MTHFD1L: variants seen among roughly 807,000 people sequenced by gnomAD.
The protein encoded by MTHFD1L is methylenetetrahydrofolate dehydrogenase (NADP+ dependent) 1 like.
Under a neutral mutation model 119.5 loss-of-function variants are expected in MTHFD1L, and 81 were observed. The ratio of observed to expected loss-of-function variants is 0.68; its 90% CI spans 0.57 to 0.82. The LOEUF (loss-of-function observed/expected upper bound fraction) is 0.82, where lower values mean the gene tolerates loss of function less well. MTHFD1L is among the 40% of genes least tolerant of loss of function. The pLI, the probability that MTHFD1L is intolerant of heterozygous loss-of-function variation, is 0.00. For synonymous variants in MTHFD1L, 430 were observed against 475.2 expected, an observed-to-expected ratio of 0.90 and a Z score of 1.24; for missense variants, 1,125 against 1,253.4, an observed-to-expected ratio of 0.90 and a Z score of 1.55.
intron 7 of MTHFD1L, among the ~76,000 whole-genome samples, chr6:150,896,322 C>T (rs1189583204): frequency 6.6e-6 from 1 of 152,216 alleles, no homozygotes; most frequent in East Asian, 1.9e-4. Context: ...AGAGTGAATG[C>T]TGTCCCCTCC....
intron 27 of MTHFD1L, among the ~76,000 whole-genome samples, chr6:151,099,108 G>A (rs1033406596): frequency 4.6e-5 from 7 of 150,780 alleles, no homozygotes; most frequent in African/African-American, 1.5e-4. Context: ...CCCAGGAGGC[G>A]AAGGTTGCAG....
intron 8 of MTHFD1L, among the ~76,000 whole-genome samples, chr6:150,907,159 T>C (rs1786061293): frequency 6.6e-6 from 1 of 152,194 alleles, no homozygotes; most frequent in African/African-American, 2.4e-5. Context: ...CTGTGTTTTA[T>C]TAAAGTTTTC....
intron 27 of MTHFD1L, among the ~76,000 whole-genome samples, chr6:151,093,206 C>A (rs944977328): frequency 3.9e-5 from 6 of 152,162 alleles, no homozygotes; most frequent in African/African-American, 1.4e-4. Context: ...GCTGTCACTC[C>A]CTGGCGTTCC....
At chr6:150,908,923 A>C (rs1217834665) in intron 8 of MTHFD1L, among the ~76,000 whole-genome samples, 2 of 152,160 alleles carry the variant, frequency 1.3e-5, no homozygotes, top group Non-Finnish European at 2.9e-5. Context: ...ATTTAAACTT[A>C]AGATGAGAAG....
intron 20 of MTHFD1L, among the ~76,000 whole-genome samples, chr6:151,005,073 T>A (rs1781196169): frequency 6.6e-6 from 1 of 152,102 alleles, no homozygotes; most frequent in African/African-American, 2.4e-5. Flanking sequence ...GCAAATATGA[T>A]AAGGGAATAA....
intron 24 of MTHFD1L, among the ~76,000 whole-genome samples, chr6:151,020,218 G>A (rs56082939): frequency 0.2 from 30,084 of 152,160 alleles, 3,559 homozygotes; most frequent in Middle Eastern, 0.3. Context: ...AGATGATTTA[G>A]GGTAATGGGA....
intron 8 of MTHFD1L, among the ~76,000 whole-genome samples, chr6:150,916,737 CTTTTTTTTTTTTTTTTTTTTT>C (rs57961829): frequency 2.5e-4 from 18 of 72,134 alleles, no homozygotes; most frequent in East Asian, 2.5e-3. Context: ...GATTCTATCC[CTTTTTTTTTTTTTTTTTTTTT>C]TTTTTTTTTT....
At chr6:151,025,448 T>A (rs1784497302) in intron 24 of MTHFD1L, among the ~76,000 whole-genome samples, 2 of 152,234 alleles carry the variant, frequency 1.3e-5, no homozygotes, top group Non-Finnish European at 2.9e-5. Flanking sequence ...GACAGCTTCA[T>A]GTTGTACTTT....
intron 25 of MTHFD1L, among the ~76,000 whole-genome samples, chr6:151,034,988 C>T (rs986075381): frequency 6.6e-6 from 1 of 152,158 alleles, no homozygotes; most frequent in Non-Finnish European, 1.5e-5. Context: ...CTCTTACTTA[C>T]TACCTTAAAA....
At chr6:151,099,997 A>T (rs1795231539) in intron 27 of MTHFD1L, 3 of 724,054 alleles carry the variant, frequency 4.1e-6, no homozygotes, top group South Asian at 1.6e-5. Flanking sequence ...ATCTTCCTTT[A>T]AAAAAAAAGA....
intron 26 of MTHFD1L, chr6:151,057,284 G>T: frequency 1.0e-6 from 1 of 985,266 alleles, no homozygotes; most frequent in Non-Finnish European, 1.2e-6. Flanking sequence ...CCCCTTTCTG[G>T]AATGGACATA....
chr6:150,966,075 G>C (rs1182989058), intron 19 of MTHFD1L, among the ~76,000 whole-genome samples: 3 of 152,182 alleles, frequency 2.0e-5, no homozygotes, highest in African/African-American at 4.8e-5. Flanking sequence ...CAGGGGCCTT[G>C]GGCAGCAAGG....
chr6:150,917,928 T>C lies in MTHFD1L; in HGVS notation c.893-649T>C, dbSNP rs114630650. ...TTATGCCATAATTTAAAAATCAGAA[T>C]ACTTGGGCTCGTGTGAAGAGATGGT... On this transcript the variant is annotated intron_variant, in intron 8 of 27. Coordinates refer to ENST00000367321, the MANE Select transcript of MTHFD1L (RefSeq NM_015440.5). 1.6e-3 allele frequency among the ~76,000 whole-genome samples: 244 copies of C among 152,328 alleles called. 1 individual carries two copies. Among genetic ancestry groups the C allele is most frequent in the African/African-American group, 5.5e-3 (230 of 41,578 alleles).
Position 150,938,584 on chromosome 6 carries a change from A to G in MTHFD1L, c.1394-115A>G, listed in dbSNP as rs899980270. The G allele has an allele frequency of 4.1e-5, 43 of 1,049,928 alleles. No individual in the cohort carries two copies. In the African/African-American group the frequency reaches 5.7e-4, roughly 14 times the overall value. The allele number at this position is 1,049,928 out of a possible 1,614,324, so 65.0% of individuals were successfully genotyped here. A position where few individuals can be genotyped will look rare whatever the true frequency, so the allele number is the denominator to read the frequency against. On this transcript the variant is annotated intron_variant, in intron 12 of 27. Coordinates refer to ENST00000367321, the MANE Select transcript of MTHFD1L (RefSeq NM_015440.5). Reference sequence around the variant, plus strand: ...GTCTCTCACTGCCTTTTGTTACTTCATCTTGGGTGTGACGCCTCTCTGTTG... The same window carrying G: ...GTCTCTCACTGCCTTTTGTTACTTCGTCTTGGGTGTGACGCCTCTCTGTTG...
At chr6:150,998,008 C>T (rs929780708) in intron 20 of MTHFD1L, among the ~76,000 whole-genome samples, 4 of 152,166 alleles carry the variant, frequency 2.6e-5, no homozygotes, top group Non-Finnish European at 5.9e-5. Flanking sequence ...GTGCCTGTGA[C>T]TCTTGAATGT....
At chr6:150,993,060 C>G (rs1373356558) in intron 20 of MTHFD1L, among the ~76,000 whole-genome samples, 1 of 152,188 alleles carries the variant, frequency 6.6e-6, no homozygotes, top group Non-Finnish European at 1.5e-5. Flanking sequence ...CACCAGCAAT[C>G]TGAGTACCTT....
chr6:150,923,545 T>TTTATTTTTTTA, intron 10 of MTHFD1L, among the ~76,000 whole-genome samples: 1 of 24,032 alleles, frequency 4.2e-5, no homozygotes, highest in Non-Finnish European at 6.7e-5. Flanking sequence ...TTATTTTTTC[T>TTTATTTTTTTA]TTTTTTTTTT....
chr6:150,981,384 C>G (rs918615570), intron 20 of MTHFD1L, among the ~76,000 whole-genome samples: 8 of 152,234 alleles, frequency 5.3e-5, no homozygotes, highest in African/African-American at 1.9e-4. Context: ...TCCTGTATTA[C>G]CGCGTTTCCG....
chr6:150,937,009 T>C (rs1792182330), intron 12 of MTHFD1L, 69 bp downstream of exon 12: 4 of 1,558,708 alleles, frequency 2.6e-6, no homozygotes, highest in Non-Finnish European at 3.5e-6. Flanking sequence ...AAAAGAACAT[T>C]GTCAACAGAT....
Sources: allele counts gnomAD v4.1 joint callset (sites outside exome capture counted in the v4.1 genomes callset), GRCh38; gene constraint gnomAD v4.1.1; transcripts MANE v1.5; gene names NCBI Gene and HGNC (gene_info 2026-07-23, HGNC 2026-07-21).